CTTN: variants seen among roughly 807,000 people sequenced by gnomAD.
The protein encoded by CTTN is cortactin, also known as src substrate cortactin.
CTTN carries 28 observed loss-of-function variants against 84.0 expected under a neutral mutation model. The observed-to-expected ratio is 0.33, with a 90% confidence interval of 0.25 to 0.46. The LOEUF (loss-of-function observed/expected upper bound fraction) is 0.46, where lower values mean the gene tolerates loss of function less well. Among genes scored for constraint, CTTN ranks in the 20% least tolerant of loss-of-function variants. The probability of loss-of-function intolerance (pLI) is 1.00; values close to 1 mark genes in which losing one functional copy is unlikely to be tolerated. For missense variants in CTTN, 641 were observed against 723.8 expected (o/e 0.89, Z 1.31); for synonymous variants, 301 against 288.8 (o/e 1.04, Z -0.43).
At chr11:70,408,277 C>T (rs1481324664) in intron 4 of CTTN, 6 of 152,334 alleles carry the variant, frequency 3.9e-5, no homozygotes, top group African/African-American at 1.4e-4. Flanking sequence ...CTCAGTATCC[C>T]GGGAAGACTG....
intron 8 of CTTN, among the ~76,000 whole-genome samples, chr11:70,417,818 T>C (rs954392796): frequency 6.6e-6 from 1 of 152,174 alleles, no homozygotes; most frequent in African/African-American, 2.4e-5. Flanking sequence ...CAGGGAACAT[T>C]CTTGTACCTG....
chr11:70,412,471 T>G (rs2058105658), intron 5 of CTTN, among the ~76,000 whole-genome samples: 1 of 152,150 alleles, frequency 6.6e-6, no homozygotes, highest in East Asian at 1.9e-4. Flanking sequence ...GGGAAACGGC[T>G]TAAGTTATTT....
rs761209920 is a variant in CTTN, at chr11:70,420,474, C to G, written c.754C>G (p.His252Asp). ...RQDKCALGWD[H>D]QEKLQLHESQ... ...AGACAAATGTGCCCTTGGCTGGGAT[C>G]ACCAGGAGAAATTGCAGCTGCATGA... Residue 252 changes from histidine to aspartate, a missense_variant, in exon 10 of 18, where the codon CAC becomes GAC. Around this residue, in one of 3 missense-constraint regions of CTTN, gnomAD observed 284 missense variants for 348.4 expected, o/e 0.82. Coordinates refer to ENST00000301843, the MANE Select transcript of CTTN (RefSeq NM_005231.4). 1.2e-6 allele frequency: 2 copies of G among 1,614,082 alleles called. No homozygotes were observed. The highest frequency in any genetic ancestry group is 1.3e-5 in the African/African-American group (1 of 74,932).
At chr11:70,399,908 GC>G (rs925149712) in intron 1 of CTTN, among the ~76,000 whole-genome samples, 2 of 152,188 alleles carry the variant, frequency 1.3e-5, no homozygotes, top group Non-Finnish European at 2.9e-5. Context: ...GCCCGGCCGG[GC>G]CCAAGGCCGT....
At chr11:70,434,390 C>T (rs930026050) in intron 17 of CTTN, among the ~76,000 whole-genome samples, 1 of 152,254 alleles carries the variant, frequency 6.6e-6, no homozygotes, top group African/African-American at 2.4e-5. Context: ...TTACGGGTGG[C>T]GTGGGATTCC....
intron 9 of CTTN, 121 bp from the exon 10 acceptor site, chr11:70,420,279 T>C: frequency 1.4e-6 from 1 of 708,270 alleles, no homozygotes. Context: ...TTACCAAAGA[T>C]CCGGAAGGGA....
chr11:70,421,898 C>T (rs912164667), intron 11 of CTTN: 18 of 325,562 alleles, frequency 5.5e-5, no homozygotes, highest in Non-Finnish European at 9.7e-5. Flanking sequence ...GCATTCTGCC[C>T]GAGGCTGTTC....
At chr11:70,430,551 C>T (rs2058343606) in intron 14 of CTTN, among the ~76,000 whole-genome samples, 1 of 152,208 alleles carries the variant, frequency 6.6e-6, no homozygotes, top group Admixed American at 6.5e-5. Context: ...TCCACCCAGG[C>T]AGTCCAGAGT....
At chr11:70,421,715 C>G (rs778712263) in intron 11 of CTTN, 135 bp downstream of exon 11, 4 of 680,982 alleles carry the variant, frequency 5.9e-6, no homozygotes, top group Admixed American at 2.5e-5. Flanking sequence ...TCAGGCTGTT[C>G]GGCACTTTAA....
chr11:70,422,260 C>T (rs1048124302), intron 11 of CTTN: 1 of 347,366 alleles, frequency 2.9e-6, no homozygotes. Context: ...ATTGGAAAAA[C>T]AGTAATTCCC....
intron 9 of CTTN, 82 bp from the exon 10 acceptor site, chr11:70,420,318 T>C: frequency 4.5e-6 from 4 of 890,570 alleles, no homozygotes; most frequent in Non-Finnish European, 7.6e-6. Context: ...CATATGCGTT[T>C]AACTGTATTG....
At chr11:70,399,580 TG>T (rs1016959713) in intron 1 of CTTN, among the ~76,000 whole-genome samples, 4 of 151,494 alleles carry the variant, frequency 2.6e-5, no homozygotes, top group Admixed American at 2.6e-4. Flanking sequence ...TCCTTCGGGG[TG>T]TGTTTAAAAT....
intron 1 of CTTN, among the ~76,000 whole-genome samples, chr11:70,398,971 G>T (rs1442485545): frequency 1.1e-4 from 17 of 150,848 alleles, no homozygotes; most frequent in African/African-American, 4.1e-4. Context: ...GGGCTCCAGG[G>T]CAGGAGAGGG....
rs2058218602 is a variant in CTTN at position 70,420,425 on chromosome 11, A to G, written c.705A>G (p.Lys235=). ...ACTATGTGAAAGGGTTTGGAGGAAAATTTGGTGTGCAGACAGACAGACAAG... is the reference window on the plus strand; with the variant it reads ...ACTATGTGAAAGGGTTTGGAGGAAAGTTTGGTGTGCAGACAGACAGACAAG... ...QKDYVKGFGG[K]FGVQTDRQDK... is the part of the protein sequence containing the mutation. The change falls in exon 10 of 18, where the codon AAA becomes AAG. Residue 235 remains lysine, a synonymous_variant. Transcript: ENST00000301843. The G allele has an allele frequency of 6.2e-7, 1 of 1,614,138 alleles. No individual in the cohort carries two copies. Among genetic ancestry groups the G allele is most frequent in the Non-Finnish European group, 8.5e-7 (1 of 1,180,010 alleles).
At chr11:70,430,403 G>C (rs1174234998) in intron 14 of CTTN, among the ~76,000 whole-genome samples, 1 of 152,226 alleles carries the variant, frequency 6.6e-6, no homozygotes, top group Non-Finnish European at 1.5e-5. Flanking sequence ...CCTCAAAGAT[G>C]TCAGCAGGGC....
Position 70,433,696 on chromosome 11 carries a change from C to T in CTTN, c.1494C>T (p.Val498=), listed in dbSNP as rs201405333. Residue 498 remains valine, a synonymous_variant, in exon 17 of 18, where the codon GTC becomes GTT. Transcript: ENST00000301843. ...AGAACGATCTGGGGATCACAGCCGTCGCCCTGTACGACTACCAGGCTGGTG... is the reference window on the plus strand; with the variant it reads ...AGAACGATCTGGGGATCACAGCCGTTGCCCTGTACGACTACCAGGCTGGTG... ...EYENDLGITA[V]ALYDYQAAGD... is the part of the protein sequence containing the mutation. 3.8e-5 allele frequency: 61 copies of T among 1,613,692 alleles called. 1 individual carries two copies. The South Asian group carries it at 4.8e-4, about 13-fold the overall frequency.
At chr11:70,412,671 T>G (rs1327179906) in intron 5 of CTTN, among the ~76,000 whole-genome samples, 1 of 152,160 alleles carries the variant, frequency 6.6e-6, no homozygotes, top group Non-Finnish European at 1.5e-5. Context: ...ACCTTTCCCT[T>G]GCGGCCAGCG....
Position 70,421,503 on chromosome 11 carries a change from T to C in CTTN, c.824T>C (p.Val275Ala). Reference sequence around the variant, plus strand: ...ACTGGTTTTGGAGGCAAATTCGGTGTTCAGTCGGAGAGGCAGGACTCCGCT... The same window carrying C: ...ACTGGTTTTGGAGGCAAATTCGGTGCTCAGTCGGAGAGGCAGGACTCCGCT... ...YKTGFGGKFG[V>A]QSERQDSAAV... The change falls in exon 11 of 18, where the codon GTT becomes GCT. Residue 275 changes from valine to alanine, a missense_variant. Around this residue, in one of 3 missense-constraint regions of CTTN, gnomAD observed 289 missense variants for 273.1 expected, o/e 1.06. Coordinates refer to ENST00000301843, the MANE Select transcript of CTTN (RefSeq NM_005231.4). The C allele has an allele frequency of 6.2e-7, 1 of 1,614,070 alleles. No individual in the cohort carries two copies. The highest frequency in any genetic ancestry group is 8.5e-7 in the Non-Finnish European group (1 of 1,179,944).
At chr11:70,420,014 C>G in intron 9 of CTTN, 158 bp downstream of exon 9, 1 of 642,150 alleles carries the variant, frequency 1.6e-6, no homozygotes. Context: ...TCCAGAAACA[C>G]AGCTGCTAAA....
Sources: allele counts gnomAD v4.1 joint callset (sites outside exome capture counted in the v4.1 genomes callset), GRCh38; gene constraint gnomAD v4.1.1; regional missense constraint gnomAD v4.1.1; transcripts MANE v1.5; gene names NCBI Gene and HGNC (gene_info 2026-07-23, HGNC 2026-07-21).